ARL15: variants seen among roughly 807,000 people sequenced by gnomAD.
The protein encoded by ARL15 is ADP-ribosylation factor-like protein 15.
ARL15 carries 19 observed loss-of-function variants against 25.2 expected under a neutral mutation model. The ratio of observed to expected loss-of-function variants is 0.75; its 90% CI spans 0.53 to 1.10. The LOEUF is 1.10. ARL15 is among the 50% of genes least tolerant of loss of function. The probability of loss-of-function intolerance (pLI) is 0.00; values close to 1 mark genes in which losing one functional copy is unlikely to be tolerated. For missense variants in ARL15, 220 were observed against 246.0 expected (o/e 0.89, Z 0.71); for synonymous variants, 94 against 86.8 (o/e 1.08, Z -0.46).
chr5:54,178,538 A>G (rs970198785), intron 1 of ARL15, among the ~76,000 whole-genome samples: 3 of 152,202 alleles, frequency 2.0e-5, no homozygotes, highest in African/African-American at 7.2e-5. Flanking sequence ...CGAAACATCC[A>G]TGAGTTAGTA....
chr5:54,049,081 A>T (rs1750625802), intron 4 of ARL15, among the ~76,000 whole-genome samples: 1 of 152,098 alleles, frequency 6.6e-6, no homozygotes, highest in Admixed American at 6.6e-5. Flanking sequence ...TTCTTACTTT[A>T]GAATCTTCTC....
intron 1 of ARL15, among the ~76,000 whole-genome samples, chr5:54,189,495 T>C (rs1174141345): frequency 6.6e-6 from 1 of 152,108 alleles, no homozygotes; most frequent in Non-Finnish European, 1.5e-5. Context: ...AACCTTTGCA[T>C]ATGTGGTCAA....
chr5:54,107,605 A>C (rs1049535789), intron 4 of ARL15, among the ~76,000 whole-genome samples: 1 of 152,130 alleles, frequency 6.6e-6, no homozygotes, highest in Non-Finnish European at 1.5e-5. Context: ...CAGAAGTGGG[A>C]GAATGAGACT....
At chr5:54,205,030 G>T (rs62372177) in intron 1 of ARL15, among the ~76,000 whole-genome samples, 30,889 of 150,382 alleles carry the variant, frequency 0.21, 3,627 homozygotes, top group Admixed American at 0.31. Flanking sequence ...CACCTCCTGG[G>T]TTCAAGCGAT....
intron 1 of ARL15, among the ~76,000 whole-genome samples, chr5:54,301,258 T>C (rs1758610318): frequency 1.3e-5 from 2 of 152,248 alleles, no homozygotes; most frequent in South Asian, 2.1e-4. Context: ...CTCAACATTT[T>C]TTTTTAGGGA....
At chr5:54,102,259 G>A (rs764633581) in intron 4 of ARL15, among the ~76,000 whole-genome samples, 7 of 152,154 alleles carry the variant, frequency 4.6e-5, no homozygotes, top group South Asian at 2.1e-4. Context: ...TGATCCACCC[G>A]CCTTGGCCTC....
intron 4 of ARL15, among the ~76,000 whole-genome samples, chr5:53,978,940 C>T (rs1409375578): frequency 6.6e-6 from 1 of 152,136 alleles, no homozygotes; most frequent in East Asian, 1.9e-4. Flanking sequence ...AAAGCATTAT[C>T]ATACAGTAAG....
chr5:54,117,364 G>GACACAC (rs776020187), intron 3 of ARL15, among the ~76,000 whole-genome samples: 6,137 of 90,884 alleles, frequency 0.068, 203 homozygotes, highest in Middle Eastern at 0.09. Context: ...CAAATAGTGA[G>GACACAC]ACACATACAC....
chr5:54,282,380 T>C, intron 1 of ARL15: 1 of 985,476 alleles, frequency 1.0e-6, no homozygotes, highest in Non-Finnish European at 1.2e-6. Context: ...ACCAAAGAAC[T>C]GTCTTCATTC....
chr5:53,891,529 T>G (rs932844500), intron 4 of ARL15, among the ~76,000 whole-genome samples: 1 of 152,130 alleles, frequency 6.6e-6, no homozygotes, highest in Non-Finnish European at 1.5e-5. Flanking sequence ...GTCCTGCCCG[T>G]TGGGAACTGC....
At chr5:53,955,395 C>G (rs1747112835) in intron 4 of ARL15, among the ~76,000 whole-genome samples, 1 of 152,114 alleles carries the variant, frequency 6.6e-6, no homozygotes, top group African/African-American at 2.4e-5. Flanking sequence ...ACTAGGATTA[C>G]AACTGAAATT....
chr5:54,145,703 A>G (rs1158172468), intron 3 of ARL15, among the ~76,000 whole-genome samples: 2 of 152,152 alleles, frequency 1.3e-5, no homozygotes, highest in Admixed American at 1.3e-4. Flanking sequence ...TGGAGTTGGT[A>G]TTCATTAAAT....
intron 4 of ARL15, among the ~76,000 whole-genome samples, chr5:53,987,111 C>T (rs550673689): frequency 9.9e-5 from 15 of 152,226 alleles, no homozygotes; most frequent in African/African-American, 3.4e-4. Context: ...AGAAAGCCCT[C>T]CATGGTGTCT....
intron 1 of ARL15, among the ~76,000 whole-genome samples, chr5:54,262,578 C>A (rs1757521807): frequency 6.6e-6 from 1 of 152,022 alleles, no homozygotes; most frequent in South Asian, 2.1e-4. Flanking sequence ...CTAGAGGTTG[C>A]TAGTTTTGTT....
intron 1 of ARL15, among the ~76,000 whole-genome samples, chr5:54,189,591 A>C (rs1755338237): frequency 6.6e-6 from 1 of 152,230 alleles, no homozygotes; most frequent in South Asian, 2.1e-4. Context: ...GGATATGCAC[A>C]CACAAAAGAA....
intron 4 of ARL15, among the ~76,000 whole-genome samples, chr5:53,930,219 G>C (rs1746156542): frequency 6.6e-6 from 1 of 152,154 alleles, no homozygotes; most frequent in African/African-American, 2.4e-5. Flanking sequence ...CTACCAGGGA[G>C]GGGAAGTGAA....
intron 4 of ARL15, among the ~76,000 whole-genome samples, chr5:53,923,129 G>A (rs1294672029): frequency 6.6e-6 from 1 of 152,194 alleles, no homozygotes; most frequent in African/African-American, 2.4e-5. Flanking sequence ...GGGCAAGCAA[G>A]TTTTGGAGAA....
chr5:54,297,527 A>T (rs1286874842), intron 1 of ARL15, among the ~76,000 whole-genome samples: 1 of 152,208 alleles, frequency 6.6e-6, no homozygotes, highest in Non-Finnish European at 1.5e-5. Context: ...AGTAATCTGG[A>T]TGCATTGTCA....
chr5:53,910,636 TATATATATATATATATA>T lies in ARL15; in HGVS notation c.463-23940_463-23924del, dbSNP rs1745424569. Among the ~76,000 whole-genome samples, 33 of 109,270 alleles carry T rather than the reference TATATATATATATATATA, an allele frequency of 3.0e-4. 1 individual carries two copies. The highest frequency in any genetic ancestry group is 1.6e-3 in the South Asian group (5 of 3,174). The allele number at this position is 109,270 out of a possible 152,430, so 71.7% of individuals were successfully genotyped here. On this transcript the variant is annotated intron_variant, in intron 4 of 4. Transcript: ENST00000504924. ...CTTAAAGTATAATAAAAAAAAATTA[TATATATATATATATATA>T]TATATATATATATATATATAAAGAA... is the stretch of plus-strand genomic sequence containing the variant.
Sources: gnomAD v4.1 joint callset for allele counts (sites outside exome capture counted in the v4.1 genomes callset) on GRCh38, gnomAD v4.1.1 for gene constraint, MANE v1.5 for transcripts, NCBI Gene and HGNC (gene_info 2026-07-23, HGNC 2026-07-21) for gene names.